MAPK8IP3: variants seen among roughly 807,000 people sequenced by gnomAD.
The protein encoded by MAPK8IP3 is C-Jun-amino-terminal kinase-interacting protein 3.
A neutral mutation model predicts 157.8 loss-of-function variants in MAPK8IP3; 49 were observed. The observed-to-expected ratio is 0.31, with a 90% CI of 0.25 to 0.39. The LOEUF is 0.39. MAPK8IP3 is among the 10% of genes least tolerant of loss of function. MAPK8IP3 has a pLI of 1.00. For missense variants in MAPK8IP3, 1,478 were observed against 1,889.4 expected (o/e 0.78, Z 4.04); for synonymous variants, 897 against 777.7 (o/e 1.15, Z -2.55).
In MAPK8IP3 at chr16:1,743,402, G is replaced by A. The variant is rs748278496; in HGVS notation, c.673G>A (p.Gly225Ser). Reference sequence around the variant, plus strand: ...CGGCACGGTACGTGCACAGATCGGGGGCAAGCTCGTGCCTGCGGGGGACCA... The same window carrying A: ...CGGCACGGTACGTGCACAGATCGGGAGCAAGCTCGTGCCTGCGGGGGACCA... ...ADGTVRAQIGGKLVPAGDHWH... is the reference protein window; with the variant it reads ...ADGTVRAQIGSKLVPAGDHWH... Residue 225 changes from glycine to serine, a missense_variant, in exon 5 of 32, where the codon GGC (glycine) becomes AGC (serine). By Grantham distance (56) the Gly-to-Ser change is moderately conservative. This residue lies in a region of MAPK8IP3 where 315 missense variants were observed against 394.4 expected (regional missense o/e 0.80). Coordinates refer to ENST00000610761, the MANE Select transcript of MAPK8IP3 (RefSeq NM_001318852.2). The surrounding 1 kb of genome is among the most constrained non-coding windows in gnomAD (Gnocchi z 5.6). The A allele has an allele frequency of 3.1e-6, 5 of 1,609,832 alleles. No homozygotes were observed. Among genetic ancestry groups the A allele is most frequent in the Non-Finnish European group, 2.5e-6 (3 of 1,178,422 alleles).
rs377152435 is a variant in MAPK8IP3 at position 1,761,209 on chromosome 16, T to A, written c.1458-15T>A. ...GGAGGCCCTCACCCTCCCTGCCTCC[T>A]TCCCCTTCCCACAGAGTGAAGTCCG... On this transcript the variant is annotated splice_polypyrimidine_tract_variant and intron_variant, in intron 12 of 31. Transcript: ENST00000610761. 2.7e-4 allele frequency: 435 copies of A among 1,611,494 alleles called. 1 individual carries two copies. Among genetic ancestry groups the A allele is most frequent in the Non-Finnish European group, 3.6e-4 (422 of 1,178,376 alleles).
In MAPK8IP3 at chr16:1,762,401, C is replaced by G. The variant is rs749418786; in HGVS notation, c.1590C>G (p.Ala530=). ...QRRRFTRVEM[A]RVLMERNQYK... ...GCCGCTTCACGCGGGTGGAGATGGC[C>G]CGTGTGCTCATGGAGCGGAACCAGT... Residue 530 remains alanine (A), a synonymous_variant, in exon 14 of 32, where the codon GCC becomes GCG. Coordinates refer to ENST00000610761, the MANE Select transcript of MAPK8IP3 (RefSeq NM_001318852.2). 1 of 1,599,664 alleles carries G rather than the reference C, an allele frequency of 6.3e-7. No individual in the cohort carries two copies. The highest frequency in any genetic ancestry group is 8.5e-7 in the Non-Finnish European group (1 of 1,173,332).
chr16:1,752,524 C>T (rs1246226149), intron 8 of MAPK8IP3: 1 of 355,306 alleles, frequency 2.8e-6, no homozygotes, highest in South Asian at 2.0e-5. Context: ...AGGAGGATCA[C>T]CTGCGCCTAG....
At chr16:1,752,915 C>T (rs535294336) in intron 8 of MAPK8IP3, among the ~76,000 whole-genome samples, 1 of 152,306 alleles carries the variant, frequency 6.6e-6, no homozygotes, top group African/African-American at 2.4e-5. Flanking sequence ...CCCCTCTGCC[C>T]TAATCAACTC....
At position 1,759,012 on chromosome 16, in the gene MAPK8IP3, G is replaced by T. The variant is rs201663667; in HGVS notation, c.1246+17G>T. The T allele has an allele frequency of 6.2e-7, 1 of 1,614,118 alleles. No homozygotes were observed. The highest frequency in any genetic ancestry group is 1.7e-5 in the Admixed American group (1 of 60,024). ...ATTTCTTTGGTAAGGCTGAGGCCCCGTTCCAGCGTGCGTCGCTCCTCCACC... is the reference window on the plus strand; with the variant it reads ...ATTTCTTTGGTAAGGCTGAGGCCCCTTTCCAGCGTGCGTCGCTCCTCCACC... On this transcript the variant is annotated intron_variant, in intron 10 of 31. Transcript: ENST00000610761.
Position 1,760,454 on chromosome 16 carries a change from G to C in MAPK8IP3, c.1379G>C (p.Arg460Thr). 3 of 1,614,042 alleles carry C rather than the reference G, an allele frequency of 1.9e-6. No homozygotes were observed. The highest frequency in any genetic ancestry group is 2.5e-6 in the Non-Finnish European group (3 of 1,179,954). The change falls in exon 12 of 32, where the codon AGG becomes ACG. Residue 460 changes from arginine to threonine, a missense_variant. Around this residue, in one of 11 missense-constraint regions of MAPK8IP3, gnomAD observed 96 missense variants for 106.3 expected, o/e 0.90. Transcript: ENST00000610761. ...CTGTCCGGGGAGCAGGAGGTGCTGA[G>C]GGGCGAGTTGGAGGCTGCTAAGCAG... ...DQLSGEQEVL[R>T]GELEAAKQAK...
intron 6 of MAPK8IP3, 86 bp from the exon 7 acceptor site, chr16:1,748,158 A>T: frequency 1.0e-6 from 1 of 982,836 alleles, no homozygotes; most frequent in Non-Finnish European, 1.6e-6. Flanking sequence ...CCAGCCCACC[A>T]GACTCAGGTT....
At chr16:1,761,096 C>T in intron 12 of MAPK8IP3, 128 bp from the exon 13 acceptor site, 1 of 732,554 alleles carries the variant, frequency 1.4e-6, no homozygotes, top group Non-Finnish European at 2.4e-6. Flanking sequence ...CTGAAGGGGT[C>T]CCTGTGGGGA....
In MAPK8IP3 at chr16:1,754,994, G is replaced by T. The variant is rs150326654; in HGVS notation, c.1217-3154G>T. 5.1e-4 allele frequency among the ~76,000 whole-genome samples: 78 copies of T among 152,336 alleles called. No homozygotes were observed. The East Asian group carries it at 0.014, about 27-fold the overall frequency. ...AGTAAAAATACCCACATGCTTGTTG[G>T]AGATTTTTCTGGAACTCTATGAATG... On this transcript the variant is annotated intron_variant, in intron 8 of 31. Coordinates refer to ENST00000610761, the MANE Select transcript of MAPK8IP3 (RefSeq NM_001318852.2).
At position 1,739,834 on chromosome 16, in the gene MAPK8IP3, C is replaced by T. The variant is rs1187547123; in HGVS notation, c.603-3498C>T. ...TGTGAGCGTGTGAGCATCCGTGTGA[C>T]CGTCCGTGTGAGCATCCGTGTGACC... On this transcript the variant is annotated intron_variant, in intron 4 of 31. Coordinates refer to ENST00000610761, the MANE Select transcript of MAPK8IP3 (RefSeq NM_001318852.2). 8.0e-4 allele frequency among the ~76,000 whole-genome samples: 86 copies of T among 107,072 alleles called. 2 individuals are homozygous for T. The highest frequency in any genetic ancestry group is 7.5e-3 in the Middle Eastern group (1 of 134). The allele number at this position is 107,072 out of a possible 152,430, so 70.2% of individuals were successfully genotyped here.
chr16:1,734,844 T>G (rs1348456843), intron 4 of MAPK8IP3: 6 of 154,508 alleles, frequency 3.9e-5, no homozygotes, highest in African/African-American at 1.2e-4. Context: ...CTGACCCAGA[T>G]GGACATTTTC....
intron 4 of MAPK8IP3, among the ~76,000 whole-genome samples, chr16:1,737,287 T>C (rs1215721004): frequency 1.0e-5 from 1 of 99,434 alleles, no homozygotes; most frequent in Non-Finnish European, 2.0e-5. Context: ...TCCGTGTGAG[T>C]GTGACCATCC....
intron 12 of MAPK8IP3, 101 bp from the exon 13 acceptor site, chr16:1,761,121 GCA>G (rs1198046096): frequency 1.1e-6 from 1 of 918,924 alleles, no homozygotes; most frequent in Non-Finnish European, 1.8e-6. Flanking sequence ...CCCCAGCCCT[GCA>G]CAGAGGCAAG....
At chr16:1,757,073 TAACA>T (rs960919262) in intron 8 of MAPK8IP3, among the ~76,000 whole-genome samples, 36 of 152,316 alleles carry the variant, frequency 2.4e-4, no homozygotes, top group Admixed American at 1.5e-3. Context: ...GGAATTCCGA[TAACA>T]AACAGCCGTT....
At chr16:1,727,689 G>C (rs1470524654) in intron 2 of MAPK8IP3, among the ~76,000 whole-genome samples, 4 of 152,206 alleles carry the variant, frequency 2.6e-5, no homozygotes, top group African/African-American at 4.8e-5. Context: ...CCTTAGGGAA[G>C]ACCAGACTGA....
rs1452600410 is a variant in MAPK8IP3 at position 1,764,450 on chromosome 16, G to A, written c.2271G>A (p.Glu757=). The A allele has an allele frequency of 6.2e-7, 1 of 1,608,116 alleles. No homozygotes were observed. The highest frequency in any genetic ancestry group is 8.5e-7 in the Non-Finnish European group (1 of 1,178,778). The part of the protein sequence containing the change: ...GEPKSAHTSP[E]KKKAKELPEM... ...CCAAGAGCGCCCACACGTCTCCCGAGAAGAAGAAGGTGAGCATGGCCGAGG... is the reference window on the plus strand; with the variant it reads ...CCAAGAGCGCCCACACGTCTCCCGAAAAGAAGAAGGTGAGCATGGCCGAGG... Residue 757 remains glutamate (E), a synonymous_variant, in exon 19 of 32, where the codon GAG becomes GAA. Transcript: ENST00000610761.
chr16:1,745,189 C>T (rs777531128), intron 5 of MAPK8IP3: 113 of 985,222 alleles, frequency 1.1e-4, no homozygotes, highest in Non-Finnish European at 3.1e-5. Context: ...AATCAGACTG[C>T]AGAATTCCCC....
chr16:1,767,115 C>G, intron 25 of MAPK8IP3, 34 bp from the exon 26 acceptor site: 1 of 1,610,120 alleles, frequency 6.2e-7, no homozygotes, highest in Non-Finnish European at 8.5e-7. Context: ...TGGGGCCTGG[C>G]CAGGCCTGAG....
At chr16:1,750,907 G>T (rs188159511) in intron 8 of MAPK8IP3, among the ~76,000 whole-genome samples, 331 of 152,210 alleles carry the variant, frequency 2.2e-3, no homozygotes, top group African/African-American at 7.3e-3. Context: ...GCCTCCCAGA[G>T]TGCTGGGATT....
Sources: allele counts gnomAD v4.1 joint callset (sites outside exome capture counted in the v4.1 genomes callset), GRCh38; gene constraint gnomAD v4.1.1; regional missense constraint gnomAD v4.1.1; non-coding constraint Gnocchi (gnomAD v3.1); transcripts MANE v1.5; gene names NCBI Gene and HGNC (gene_info 2026-07-23, HGNC 2026-07-21).